RNF213: variants seen among roughly 807,000 people sequenced by gnomAD.
RNF213 encodes the protein E3 ubiquitin-protein ligase RNF213.
RNF213 carries 341 observed loss-of-function variants against 514.4 expected under a neutral mutation model. The observed-to-expected ratio is 0.66, with a 90% CI of 0.61 to 0.73. The LOEUF (loss-of-function observed/expected upper bound fraction) is 0.73. Among genes scored for constraint, RNF213 ranks in the 30% least tolerant of loss-of-function variants. The pLI is 0.00. For synonymous variants in RNF213, 2,655 were observed against 2,658.2 expected (o/e 1.00, Z 0.04); for missense variants, 5,767 against 6,615.6 (o/e 0.87, Z 4.45).
In RNF213 at chr17:80,309,793, T is replaced by C. The variant is rs1371050889; in HGVS notation, c.2655+622T>C. 2.6e-5 allele frequency among the ~76,000 whole-genome samples: 4 copies of C among 152,018 alleles called. No individual in the cohort carries two copies. In the East Asian group the frequency reaches 7.7e-4, roughly 29 times the overall value. ...TTTTTTAAGACGGGGTCTCACTCTGTCACCCAGGCTGGAGTGCAGTGGCGT... is the reference window on the plus strand; with the variant it reads ...TTTTTTAAGACGGGGTCTCACTCTGCCACCCAGGCTGGAGTGCAGTGGCGT... On this transcript the variant is annotated intron_variant, in intron 14 of 67. Transcript: ENST00000582970.
chr17:80,319,152 C>A (rs780623050), intron 16 of RNF213, 38 bp from the exon 17 acceptor site: 3 of 1,614,084 alleles, frequency 1.9e-6, no homozygotes, highest in Non-Finnish European at 2.5e-6. Flanking sequence ...AGCGCTGCAT[C>A]CGAAAGCTCT....
Position 80,317,241 on chromosome 17 carries a change from G to A in RNF213, c.2865G>A (p.Glu955=). Residue 955 remains glutamate, a synonymous_variant, in exon 16 of 68, where the codon GAG becomes GAA. Transcript: ENST00000582970. The surrounding 1 kb of genome is among the most constrained non-coding windows in gnomAD (Gnocchi z 4.1). Reference sequence around the variant, plus strand: ...TCCCCGCGGAGCATGGCTGGAAGGAGTCGTTGCTGGGAGACATGGAATGGA... The same window carrying A: ...TCCCCGCGGAGCATGGCTGGAAGGAATCGTTGCTGGGAGACATGGAATGGA... The part of the protein sequence containing the change: ...IQFPAEHGWK[E]SLLGDMEWRL... The A allele has an allele frequency of 6.2e-7, 1 of 1,612,944 alleles. No homozygotes were observed.
Position 80,306,886 on chromosome 17 carries a change from T to C in RNF213, c.2428-242T>C, listed in dbSNP as rs190428683. Among the ~76,000 whole-genome samples the C allele has an allele frequency of 2.9e-3, 438 of 151,924 alleles. 2 individuals carry two copies. Among genetic ancestry groups the C allele is most frequent in the Non-Finnish European group, 4.4e-3 (296 of 67,974 alleles). On this transcript the variant is annotated intron_variant, in intron 12 of 67. Coordinates refer to ENST00000582970, the MANE Select transcript of RNF213 (RefSeq NM_001256071.3). ...AAAAAAAAGAAGGCGTCTCATGTGA[T>C]GCACTTCGTAGCTGCCATTCTTCCT...
At chr17:80,337,502 G>A in intron 23 of RNF213, 84 bp from the exon 24 acceptor site, 1 of 1,493,142 alleles carries the variant, frequency 6.7e-7, no homozygotes, top group Non-Finnish European at 8.9e-7. Context: ...CAGCGAGGCA[G>A]AGGCGGGAGG....
chr17:80,295,102 A>T, intron 9 of RNF213, 99 bp downstream of exon 9: 1 of 1,401,874 alleles, frequency 7.1e-7, no homozygotes, highest in Non-Finnish European at 1.0e-6. Flanking sequence ...CCAGGTTGCA[A>T]ATGGGAATGT....
intron 15 of RNF213, among the ~76,000 whole-genome samples, chr17:80,314,217 A>G (rs1418481745): frequency 3.2e-5 from 3 of 94,792 alleles, no homozygotes; most frequent in East Asian, 3.3e-4. Flanking sequence ...AATGGAGGTG[A>G]TGGTGGTGGT....
In RNF213 at chr17:80,377,952, A is replaced by G. The variant is rs1054853437; in HGVS notation, c.13545+156A>G. ...GGGTGCTCTGAGCAGGGCAATGCCA[A>G]TGGCGCTAAGGGTTTCTAGCCCAGG... On this transcript the variant is annotated intron_variant, in intron 54 of 67. Coordinates refer to ENST00000582970, the MANE Select transcript of RNF213 (RefSeq NM_001256071.3). This position sits in a 1 kb window ranked among gnomAD's most constrained non-coding sequence, Gnocchi z 4.1. 7.9e-5 allele frequency among the ~76,000 whole-genome samples: 12 copies of G among 152,142 alleles called. No homozygotes were observed. The highest frequency in any genetic ancestry group is 2.7e-4 in the African/African-American group (11 of 41,418).
At chr17:80,382,185 T>C (rs1267564652) in intron 57 of RNF213, 2 of 139,418 alleles carry the variant, frequency 1.4e-5, no homozygotes, top group Non-Finnish European at 3.1e-5. Flanking sequence ...TCCACAGTTA[T>C]GTTAAAAAAA....
chr17:80,352,678 T>C (rs897339541), intron 32 of RNF213: 3 of 627,712 alleles, frequency 4.8e-6, no homozygotes, highest in East Asian at 2.7e-5. Flanking sequence ...GCCTTATCCA[T>C]GCGTCCTTCC....
rs113159878 is a variant in RNF213, at chr17:80,353,790, C to T, written c.10578+124C>T. 1.0e-5 allele frequency: 14 copies of T among 1,362,458 alleles called. No individual in the cohort carries two copies. Among genetic ancestry groups the T allele is most frequent in the Admixed American group, 5.3e-5 (3 of 56,316 alleles). 84.4% of individuals were successfully genotyped at this position (1,362,458 alleles called of 1,614,324 possible). ...CGCTGTGCAGGGGTGAGGATGGCGC[C>T]CCACTTTCCTCACACAGTGACGGTC... On this transcript the variant is annotated intron_variant, in intron 34 of 67. Transcript: ENST00000582970. This position sits in a 1 kb window ranked among gnomAD's most constrained non-coding sequence, Gnocchi z 5.0.
At chr17:80,382,053 G>T in intron 57 of RNF213, 2 of 364,440 alleles carry the variant, frequency 5.5e-6, no homozygotes, top group East Asian at 6.3e-5. Context: ...CTTCAGTTCC[G>T]AAGTCAGCCC....
At position 80,347,564 on chromosome 17, in the gene RNF213, G is replaced by T; in HGVS notation, c.9229G>T (p.Asp3077Tyr). The T allele has an allele frequency of 6.2e-7, 1 of 1,614,130 alleles. No individual in the cohort carries two copies. Among genetic ancestry groups the T allele is most frequent in the Non-Finnish European group, 8.5e-7 (1 of 1,180,040 alleles). Reference protein sequence around the residue: ...EIIFGSGFPKDQEYTQLCRNI... With the variant: ...EIIFGSGFPKYQEYTQLCRNI... ...TATTTTTGGTTCTGGTTTCCCCAAG[G>T]ACCAAGAGTACACCCAGCTCTGCAG... Residue 3077 changes from aspartate to tyrosine, a missense_variant, in exon 29 of 68, where the codon GAC becomes TAC. Asp to Tyr is a radical substitution (Grantham distance 160). Around this residue, in one of 13 missense-constraint regions of RNF213, gnomAD observed 919 missense variants for 1,121.0 expected, o/e 0.82. Coordinates refer to ENST00000582970, the MANE Select transcript of RNF213 (RefSeq NM_001256071.3). This position sits in a 1 kb window ranked among gnomAD's most constrained non-coding sequence, Gnocchi z 7.2.
At position 80,346,580 on chromosome 17, in the gene RNF213, AAGG is replaced by A; in HGVS notation, c.8248_8250del (p.Glu2750del). On this transcript the variant is annotated inframe_deletion, in exon 29 of 68. Transcript: ENST00000582970. The surrounding 1 kb of genome is among the most constrained non-coding windows in gnomAD (Gnocchi z 8.1). Reference sequence around the variant, plus strand: ...AACCATCGCCAAGAACTTGGCCTTGAAGGAGAACGTCTTCATGATGGTCGTCTG... The same window carrying A: ...AACCATCGCCAAGAACTTGGCCTTGAAGAACGTCTTCATGATGGTCGTCTG... The A allele has an allele frequency of 6.2e-7, 1 of 1,613,326 alleles. No homozygotes were observed. The highest frequency in any genetic ancestry group is 8.5e-7 in the Non-Finnish European group (1 of 1,180,026).
intron 11 of RNF213, among the ~76,000 whole-genome samples, chr17:80,300,824 T>C (rs999283702): frequency 6.6e-6 from 1 of 152,154 alleles, no homozygotes; most frequent in African/African-American, 2.4e-5. Context: ...AGTGCTGGGA[T>C]TGCATGTGTG....
intron 54 of RNF213, 171 bp from the exon 55 acceptor site, chr17:80,379,443 AGTGAGT>A: frequency 1.5e-6 from 1 of 675,484 alleles, no homozygotes; most frequent in Non-Finnish European, 2.7e-6. Context: ...GTGCAACATT[AGTGAGT>A]ACCTACCCTG....
chr17:80,386,317 C>T lies in RNF213; in HGVS notation c.14607C>T (p.Leu4869=). The T allele has an allele frequency of 6.2e-7, 1 of 1,613,960 alleles. No homozygotes were observed. Among genetic ancestry groups the T allele is most frequent in the Non-Finnish European group, 8.5e-7 (1 of 1,180,038 alleles). ...DLDLDTEFEI[L]LPRRRGLGLC... ...ATCTGGACACTGAGTTTGAGATCCT[C>T]TTGCCACGCCGACGGGGCCTGGGCC... The change falls in exon 62 of 68, where the codon CTC becomes CTT. Residue 4869 remains leucine, a synonymous_variant. Coordinates refer to ENST00000582970, the MANE Select transcript of RNF213 (RefSeq NM_001256071.3).
intron 17 of RNF213, among the ~76,000 whole-genome samples, chr17:80,322,146 C>G (rs1165456482): frequency 7.4e-4 from 4 of 5,378 alleles, no homozygotes; most frequent in African/African-American, 2.8e-3. Context: ...TGCCCCTCAT[C>G]CCCCCCACCC....
intron 11 of RNF213, among the ~76,000 whole-genome samples, chr17:80,302,774 C>T (rs533459816): frequency 4.6e-5 from 7 of 152,200 alleles, no homozygotes; most frequent in South Asian, 2.1e-4. Flanking sequence ...ATGAGAGGAT[C>T]GCTTGAGCCA....
At chr17:80,287,759 CG>C in intron 3 of RNF213, 55 bp from the exon 4 acceptor site, 1 of 1,579,452 alleles carries the variant, frequency 6.3e-7, no homozygotes, top group Non-Finnish European at 8.7e-7. Context: ...GAGGGAAACA[CG>C]GGCTAGAGTA....
Sources: allele counts gnomAD v4.1 joint callset (sites outside exome capture counted in the v4.1 genomes callset), GRCh38; gene constraint gnomAD v4.1.1; regional missense constraint gnomAD v4.1.1; non-coding constraint Gnocchi (gnomAD v3.1); transcripts MANE v1.5; gene names NCBI Gene and HGNC (gene_info 2026-07-23, HGNC 2026-07-21).